The following KCNH8 variants were observed in gnomAD, a reference collection of about 807,000 sequenced individuals.
KCNH8 encodes the protein potassium voltage-gated channel subfamily H member 8.
KCNH8 carries 70 observed loss-of-function variants against 103.6 expected under a neutral mutation model. That is an observed-to-expected ratio of 0.68 (90% confidence interval 0.56 to 0.82). The LOEUF (loss-of-function observed/expected upper bound fraction) is 0.82, where lower values mean the gene tolerates loss of function less well. KCNH8 is among the 40% of genes least tolerant of loss of function. The pLI is 0.00. For missense variants in KCNH8, 1,217 were observed against 1,329.9 expected (o/e 0.92, Z 1.32); for synonymous variants, 498 against 489.4 (o/e 1.02, Z -0.23).
intron 3 of KCNH8, among the ~76,000 whole-genome samples, chr3:19,305,817 A>G (rs543551286): frequency 4.6e-5 from 7 of 152,106 alleles, no homozygotes; most frequent in Non-Finnish European, 1.0e-4. Flanking sequence ...TGATTTAAGC[A>G]AAGTAACAAT....
intron 15 of KCNH8, among the ~76,000 whole-genome samples, chr3:19,518,831 AAAAAT>A (rs553571379): frequency 5.3e-5 from 8 of 152,044 alleles, no homozygotes; most frequent in Non-Finnish European, 1.2e-4. Flanking sequence ...AAATAAATAC[AAAAAT>A]AAGATACTTT....
chr3:19,347,631 T>C (rs1038721028), intron 4 of KCNH8, 94 bp from the exon 5 acceptor site: 4 of 1,442,454 alleles, frequency 2.8e-6, no homozygotes, highest in African/African-American at 1.4e-5. Context: ...GTGTAGTGAA[T>C]GATCCTACTC....
intron 3 of KCNH8, among the ~76,000 whole-genome samples, chr3:19,307,030 C>A (rs911115218): frequency 6.6e-6 from 1 of 151,718 alleles, no homozygotes; most frequent in African/African-American, 2.4e-5. Context: ...GACACATAGA[C>A]CAAAAGAACA....
intron 3 of KCNH8, among the ~76,000 whole-genome samples, chr3:19,329,168 C>T (rs2065470727): frequency 6.6e-6 from 1 of 152,160 alleles, no homozygotes; most frequent in Admixed American, 6.6e-5. Flanking sequence ...TCCGAGGCTT[C>T]CCCACATTTC....
At chr3:19,414,121 C>T (rs1030629568) in intron 7 of KCNH8, among the ~76,000 whole-genome samples, 2 of 152,084 alleles carry the variant, frequency 1.3e-5, no homozygotes, top group African/African-American at 2.4e-5. Context: ...ATGGGACAAT[C>T]GTCCCTCTAC....
At chr3:19,342,462 C>A in intron 3 of KCNH8, 125 bp from the exon 4 acceptor site, 1 of 767,976 alleles carries the variant, frequency 1.3e-6, no homozygotes, top group Non-Finnish European at 1.9e-6. Flanking sequence ...TCATTAGGAT[C>A]CAGCAGATTA....
intron 11 of KCNH8, among the ~76,000 whole-genome samples, chr3:19,468,841 C>T (rs983023642): frequency 1.3e-5 from 2 of 152,106 alleles, no homozygotes; most frequent in South Asian, 4.1e-4. Flanking sequence ...CTAGATCTTT[C>T]GAATGAAGTT....
intron 5 of KCNH8, among the ~76,000 whole-genome samples, chr3:19,384,763 T>C (rs2066334505): frequency 6.6e-6 from 1 of 152,184 alleles, no homozygotes; most frequent in African/African-American, 2.4e-5. Context: ...CCAGACCACT[T>C]CTGGGATGGT....
chr3:19,414,491 C>T (rs951301929), intron 7 of KCNH8, among the ~76,000 whole-genome samples: 1 of 151,668 alleles, frequency 6.6e-6, no homozygotes, highest in Admixed American at 6.6e-5. Flanking sequence ...ATGTTTAAAG[C>T]ATAGGAAACA....
At chr3:19,356,711 A>G (rs1171680242) in intron 5 of KCNH8, among the ~76,000 whole-genome samples, 1 of 151,928 alleles carries the variant, frequency 6.6e-6, no homozygotes, top group African/African-American at 2.4e-5. Context: ...TGCATTAGTG[A>G]TTTGCCCAAG....
chr3:19,332,603 C>T (rs1262396808), intron 3 of KCNH8, among the ~76,000 whole-genome samples: 1 of 151,972 alleles, frequency 6.6e-6, no homozygotes, highest in African/African-American at 2.4e-5. Flanking sequence ...AAATTCCCAA[C>T]CTATTTTTTA....
intron 3 of KCNH8, among the ~76,000 whole-genome samples, chr3:19,312,834 A>G (rs1211487311): frequency 2.0e-5 from 3 of 151,936 alleles, no homozygotes; most frequent in African/African-American, 7.2e-5. Context: ...TTCTTCCAGC[A>G]CCACCATCTT....
At chr3:19,231,441 T>C (rs2063993642) in intron 1 of KCNH8, among the ~76,000 whole-genome samples, 1 of 152,168 alleles carries the variant, frequency 6.6e-6, no homozygotes. Context: ...GGAATTATAC[T>C]TTTTTTACAT....
chr3:19,405,586 C>T (rs1481996213), intron 7 of KCNH8, among the ~76,000 whole-genome samples: 3 of 151,798 alleles, frequency 2.0e-5, no homozygotes, highest in South Asian at 2.1e-4. Flanking sequence ...GCATTATCAT[C>T]GACGCTTGAT....
intron 1 of KCNH8, among the ~76,000 whole-genome samples, chr3:19,187,417 A>G (rs1200474795): frequency 6.6e-6 from 1 of 152,062 alleles, no homozygotes; most frequent in African/African-American, 2.4e-5. Context: ...GCCTATGCTA[A>G]AACAGTTGGA....
chr3:19,377,354 T>C (rs961953136), intron 5 of KCNH8, among the ~76,000 whole-genome samples: 1 of 152,182 alleles, frequency 6.6e-6, no homozygotes, highest in African/African-American at 2.4e-5. Context: ...TGCACATTTG[T>C]TGGAGAGGTG....
chr3:19,507,237 C>A (rs2068710237), intron 11 of KCNH8, among the ~76,000 whole-genome samples: 1 of 152,110 alleles, frequency 6.6e-6, no homozygotes, highest in Admixed American at 6.6e-5. Flanking sequence ...CTGTTTCTTC[C>A]CTATAGCAAG....
intron 15 of KCNH8, among the ~76,000 whole-genome samples, chr3:19,524,173 T>C (rs774802412): frequency 1.3e-5 from 2 of 151,894 alleles, no homozygotes; most frequent in Non-Finnish European, 2.9e-5. Context: ...TATCTTTTCA[T>C]TGACAATTGA....
At chr3:19,159,211 T>G (rs1404002842) in intron 1 of KCNH8, among the ~76,000 whole-genome samples, 1 of 151,860 alleles carries the variant, frequency 6.6e-6, no homozygotes, top group African/African-American at 2.4e-5. Flanking sequence ...TTGAACTATC[T>G]TTGCATCCCT....
Sources: gnomAD v4.1 joint callset for allele counts (sites outside exome capture counted in the v4.1 genomes callset) on GRCh38, gnomAD v4.1.1 for gene constraint, MANE v1.5 for transcripts, NCBI Gene and HGNC (gene_info 2026-07-23, HGNC 2026-07-21) for gene names.